Variants in MICU2 observed in about 807,000 individuals in gnomAD.
MICU2 encodes the protein mitochondrial calcium uptake 2, also known as calcium uptake protein 2, mitochondrial.
Under a neutral mutation model 60.4 loss-of-function variants are expected in MICU2, and 64 were observed. The observed-to-expected ratio is 1.06, with a 90% CI of 0.87 to 1.31. The LOEUF is 1.31. Among genes scored for constraint, MICU2 ranks in the 50% most tolerant of loss-of-function variants. The pLI, the probability that MICU2 is intolerant of heterozygous loss-of-function variation, is 0.00. For missense variants in MICU2, 569 were observed against 531.0 expected, an observed-to-expected ratio of 1.07 and a Z score of -0.70; for synonymous variants, 201 against 175.0, an observed-to-expected ratio of 1.15 and a Z score of -1.17.
chr13:21,563,921 GC>G (rs1887912949), intron 2 of MICU2, among the ~76,000 whole-genome samples: 2 of 151,694 alleles, frequency 1.3e-5, no homozygotes, highest in Admixed American at 1.3e-4. Flanking sequence ...GTGATCCTCA[GC>G]CTCTGAAGTA....
At chr13:21,578,364 A>G (rs1387135278) in intron 1 of MICU2, among the ~76,000 whole-genome samples, 1 of 152,216 alleles carries the variant, frequency 6.6e-6, no homozygotes, top group Non-Finnish European at 1.5e-5. Flanking sequence ...AGGCAGGAAG[A>G]CTACTCTAGC....
chr13:21,498,499 C>T (rs574242699), intron 9 of MICU2, among the ~76,000 whole-genome samples: 12 of 151,674 alleles, frequency 7.9e-5, no homozygotes, highest in South Asian at 2.1e-4. Context: ...CTGTCTCAGC[C>T]GCCTGAGTAG....
chr13:21,553,278 G>T (rs1887619631), intron 2 of MICU2, among the ~76,000 whole-genome samples: 1 of 152,164 alleles, frequency 6.6e-6, no homozygotes, highest in Admixed American at 6.5e-5. Context: ...CATTGATTTT[G>T]TATCCTGAGA....
intron 1 of MICU2, among the ~76,000 whole-genome samples, chr13:21,584,262 G>A (rs1038753283): frequency 1.3e-5 from 2 of 151,848 alleles, no homozygotes; most frequent in African/African-American, 2.4e-5. Context: ...GGTGGCAGGC[G>A]CCTGTAGTCC....
At chr13:21,545,550 G>A (rs1204716808) in intron 2 of MICU2, among the ~76,000 whole-genome samples, 17 of 151,946 alleles carry the variant, frequency 1.1e-4, no homozygotes, top group African/African-American at 4.8e-5. Context: ...GTGTGGTGGC[G>A]GGCGCCTGTA....
At chr13:21,519,464 TG>T (rs1273476790) in intron 6 of MICU2, among the ~76,000 whole-genome samples, 3 of 152,232 alleles carry the variant, frequency 2.0e-5, no homozygotes, top group Non-Finnish European at 4.4e-5. Context: ...CTGGGCTCTT[TG>T]GTACTCTGCT....
intron 2 of MICU2, among the ~76,000 whole-genome samples, chr13:21,553,845 A>G (rs928204802): frequency 2.6e-5 from 4 of 152,214 alleles, no homozygotes; most frequent in African/African-American, 7.2e-5. Flanking sequence ...AGATCTATCA[A>G]GCAAATGGAA....
At chr13:21,526,570 T>C (rs1294300315) in intron 4 of MICU2, among the ~76,000 whole-genome samples, 1 of 151,786 alleles carries the variant, frequency 6.6e-6, no homozygotes, top group Non-Finnish European at 1.5e-5. Context: ...CTAGATACCA[T>C]AGAGAGATAC....
chr13:21,555,865 C>A (rs1887695489), intron 2 of MICU2, among the ~76,000 whole-genome samples: 1 of 152,192 alleles, frequency 6.6e-6, no homozygotes. Context: ...TGCCTTTTCT[C>A]CTGGTATTAT....
intron 1 of MICU2, among the ~76,000 whole-genome samples, chr13:21,603,153 G>A (rs1440262048): frequency 1.3e-5 from 2 of 152,008 alleles, no homozygotes; most frequent in African/African-American, 2.4e-5. Context: ...GCGGGGCTGG[G>A]GTGGGGAGCG....
chr13:21,516,819 A>T (rs1293419766), intron 6 of MICU2, among the ~76,000 whole-genome samples: 2 of 152,216 alleles, frequency 1.3e-5, no homozygotes, highest in Non-Finnish European at 2.9e-5. Flanking sequence ...AGTATGATAA[A>T]ACTATAATGC....
chr13:21,539,589 T>A (rs537781806), intron 3 of MICU2, 68 bp downstream of exon 3: 3 of 1,599,266 alleles, frequency 1.9e-6, no homozygotes, highest in South Asian at 1.1e-5. Flanking sequence ...TGAGCCACCG[T>A]GCCCGGCCAA....
At position 21,493,479 on chromosome 13, in the gene MICU2, T is replaced by C. The variant is rs1009328699; in HGVS notation, c.1201-126A>G. ...CAAAAATAGTTGAGGGTGAATTATG[T>C]TGTAAAAGATGATCACAACAGAACT... On this transcript the variant is annotated intron_variant, in intron 11 of 11. Transcript: ENST00000382374. The C allele has an allele frequency of 4.0e-5, 25 of 625,920 alleles. No individual in the cohort carries two copies. The African/African-American group carries it at 4.1e-4, about 10-fold the overall frequency. The allele number at this position is 625,920 out of a possible 1,614,324, so 38.8% of individuals were successfully genotyped here. A position where few individuals can be genotyped will look rare whatever the true frequency, so the allele number is the denominator to read the frequency against.
At chr13:21,502,070 A>G (rs561896494) in intron 9 of MICU2, among the ~76,000 whole-genome samples, 5 of 152,146 alleles carry the variant, frequency 3.3e-5, no homozygotes, top group Admixed American at 6.5e-5. Flanking sequence ...TAATTCTAAG[A>G]CTTTCTATTC....
chr13:21,495,115 A>G, intron 11 of MICU2, 46 bp downstream of exon 11: 2 of 1,459,788 alleles, frequency 1.4e-6, no homozygotes, highest in East Asian at 4.6e-5. Flanking sequence ...GTTTAATATC[A>G]GTTAATGACA....
At chr13:21,517,290 CTT>C (rs1380954311) in intron 6 of MICU2, among the ~76,000 whole-genome samples, 1 of 152,168 alleles carries the variant, frequency 6.6e-6, no homozygotes, top group Non-Finnish European at 1.5e-5. Context: ...ACTCAAATCA[CTT>C]TGTTACATTT....
chr13:21,516,581 T>C (rs1239509633), intron 6 of MICU2, among the ~76,000 whole-genome samples: 1 of 152,190 alleles, frequency 6.6e-6, no homozygotes, highest in African/African-American at 2.4e-5. Flanking sequence ...GATAAACACG[T>C]AGGAGATAAC....
At chr13:21,564,750 C>G (rs1421172574) in intron 2 of MICU2, among the ~76,000 whole-genome samples, 1 of 152,110 alleles carries the variant, frequency 6.6e-6, no homozygotes, top group Non-Finnish European at 1.5e-5. Flanking sequence ...CTAAAAATGG[C>G]TACTTTTCCC....
At chr13:21,603,916 AG>A (rs1566175571) in intron 1 of MICU2, 22 bp downstream of exon 1, 1 of 1,608,964 alleles carries the variant, frequency 6.2e-7, no homozygotes, top group Admixed American at 1.7e-5. Flanking sequence ...GACTGGGGCT[AG>A]CAGAAGGAGT....
Sources: allele counts gnomAD v4.1 joint callset (sites outside exome capture counted in the v4.1 genomes callset), GRCh38; gene constraint gnomAD v4.1.1; transcripts MANE v1.5; gene names NCBI Gene and HGNC (gene_info 2026-07-23, HGNC 2026-07-21).